Variants in TMEFF1 observed in about 807,000 individuals in gnomAD.
TMEFF1 encodes the protein transmembrane protein with EGF like and two follistatin like domains 1, also known as tomoregulin-1.
In TMEFF1, 20 loss-of-function variants were observed where a neutral mutation model predicts 47.5. That is an observed-to-expected ratio of 0.42 (90% CI 0.30 to 0.61). The LOEUF (loss-of-function observed/expected upper bound fraction) is 0.61. TMEFF1 is among the 20% of genes least tolerant of loss of function. The pLI is 0.19. For missense variants in TMEFF1, 411 were observed against 471.1 expected, an observed-to-expected ratio of 0.87 and a Z score of 1.18; for synonymous variants, 162 against 166.3, an observed-to-expected ratio of 0.97 and a Z score of 0.20.
At chr9:100,539,849 G>A (rs1023689469) in intron 5 of TMEFF1, among the ~76,000 whole-genome samples, 2 of 152,186 alleles carry the variant, frequency 1.3e-5, no homozygotes, top group Admixed American at 1.3e-4. Context: ...ACAGGGGGCT[G>A]ATTGGTCCAT....
chr9:100,504,178 A>C (rs1224903561), intron 2 of TMEFF1, among the ~76,000 whole-genome samples: 3 of 152,218 alleles, frequency 2.0e-5, no homozygotes, highest in African/African-American at 7.2e-5. Context: ...AGCAGACTTT[A>C]GGTTAGACTT....
intron 1 of TMEFF1, among the ~76,000 whole-genome samples, chr9:100,497,283 G>A (rs897598642): frequency 3.9e-5 from 5 of 128,532 alleles, no homozygotes; most frequent in Non-Finnish European, 8.2e-5. Flanking sequence ...CAAAATGCTT[G>A]TGTTAGCTTT....
At chr9:100,572,885 G>T (rs1438728648) in intron 9 of TMEFF1, among the ~76,000 whole-genome samples, 1 of 151,858 alleles carries the variant, frequency 6.6e-6, no homozygotes, top group African/African-American at 2.4e-5. Context: ...AGCAGAGAGG[G>T]AATGAGAATA....
intron 1 of TMEFF1, among the ~76,000 whole-genome samples, chr9:100,486,235 T>A (rs192879469): frequency 3.9e-5 from 6 of 152,210 alleles, no homozygotes; most frequent in African/African-American, 1.4e-4. Context: ...TGCTAAATTA[T>A]TTCATTTTTC....
chr9:100,532,681 G>C (rs1024302001), intron 5 of TMEFF1, among the ~76,000 whole-genome samples: 3 of 151,538 alleles, frequency 2.0e-5, no homozygotes, highest in Non-Finnish European at 4.4e-5. Flanking sequence ...TCAGTGTGGC[G>C]ATTCCTCAGG....
Position 100,473,378 on chromosome 9 carries a change from C to G in TMEFF1, c.-167C>G, listed in dbSNP as rs1022594731. 1.2e-4 allele frequency: 51 copies of G among 421,994 alleles called. No individual in the cohort carries two copies. The highest frequency in any genetic ancestry group is 7.6e-4 in the Admixed American group (15 of 19,750). 26.1% of individuals were successfully genotyped at this position (421,994 alleles called of 1,614,324 possible). A position where few individuals can be genotyped will look rare whatever the true frequency, so the allele number is the denominator to read the frequency against. The stretch of plus-strand genomic sequence containing the variant: ...GACTCCGTCCCGAGCGCCGCGGGCC[C>G]GGGCCTGGCGGACGCTGCGGGTGGG... On this transcript the variant is annotated 5_prime_UTR_variant, in exon 1 of 10. Transcript: ENST00000374879. The surrounding 1 kb of genome is among the most constrained non-coding windows in gnomAD (Gnocchi z 5.4).
intron 5 of TMEFF1, among the ~76,000 whole-genome samples, chr9:100,531,171 G>T (rs372195199): frequency 3.5e-4 from 54 of 152,162 alleles, no homozygotes; most frequent in African/African-American, 7.9e-4. Flanking sequence ...CTTTGAAAAC[G>T]GGCACAAGAC....
At chr9:100,507,642 A>G (rs1191435721) in intron 2 of TMEFF1, among the ~76,000 whole-genome samples, 6 of 152,070 alleles carry the variant, frequency 3.9e-5, no homozygotes, top group Admixed American at 3.9e-4. Flanking sequence ...GGTCACTTGT[A>G]TGTCTTCTTT....
chr9:100,478,718 T>C (rs1453621888), intron 1 of TMEFF1, among the ~76,000 whole-genome samples: 1 of 152,012 alleles, frequency 6.6e-6, no homozygotes, highest in Non-Finnish European at 1.5e-5. Context: ...ACATGACATA[T>C]GTGAAGAAAG....
intron 5 of TMEFF1, among the ~76,000 whole-genome samples, chr9:100,529,845 A>G: frequency 6.6e-6 from 1 of 152,196 alleles, no homozygotes; most frequent in Non-Finnish European, 1.5e-5. Context: ...AGTTGGAAGT[A>G]AAGCTCTCCT....
At chr9:100,534,523 C>T (rs73655586) in intron 5 of TMEFF1, among the ~76,000 whole-genome samples, 1 of 152,166 alleles carries the variant, frequency 6.6e-6, no homozygotes, top group Non-Finnish European at 1.5e-5. Flanking sequence ...GCTTGGCAGT[C>T]TGCAAACAGC....
At chr9:100,480,432 AGTT>A (rs1837319422) in intron 1 of TMEFF1, among the ~76,000 whole-genome samples, 1 of 152,248 alleles carries the variant, frequency 6.6e-6, no homozygotes, top group African/African-American at 2.4e-5. Flanking sequence ...GAATACAAAA[AGTT>A]GTTTTTATGA....
chr9:100,548,019 T>A (rs1479610575), intron 6 of TMEFF1, 127 bp downstream of exon 6: 2 of 1,119,728 alleles, frequency 1.8e-6, no homozygotes, highest in East Asian at 6.7e-5. Context: ...TTTTTATTAC[T>A]TTATATTTCA....
intron 8 of TMEFF1, among the ~76,000 whole-genome samples, chr9:100,567,474 C>T (rs896138798): frequency 6.6e-6 from 1 of 152,160 alleles, no homozygotes; most frequent in African/African-American, 2.4e-5. Flanking sequence ...CCATTTAATT[C>T]ACTTACTTTG....
chr9:100,538,185 T>C (rs1017328956), intron 5 of TMEFF1, among the ~76,000 whole-genome samples: 8 of 152,264 alleles, frequency 5.3e-5, no homozygotes, highest in African/African-American at 1.9e-4. Context: ...CCCGAGTAGC[T>C]GGGACTACAG....
chr9:100,559,191 T>C (rs963355545), intron 7 of TMEFF1, among the ~76,000 whole-genome samples: 3 of 152,174 alleles, frequency 2.0e-5, no homozygotes, highest in African/African-American at 7.2e-5. Flanking sequence ...CAGGCAGTAT[T>C]GTGAGTGTTA....
chr9:100,484,399 C>T (rs1360006758), intron 1 of TMEFF1, among the ~76,000 whole-genome samples: 1 of 151,636 alleles, frequency 6.6e-6, no homozygotes, highest in Non-Finnish European at 1.5e-5. Context: ...CTCACCGCAA[C>T]CTCTGCCTCC....
intron 8 of TMEFF1, among the ~76,000 whole-genome samples, chr9:100,570,563 C>A (rs914242263): frequency 6.6e-6 from 1 of 151,952 alleles, no homozygotes; most frequent in African/African-American, 2.4e-5. Flanking sequence ...ATCTTAGCAC[C>A]CTTGTCAAAA....
chr9:100,563,113 G>A (rs1839053513), intron 8 of TMEFF1, among the ~76,000 whole-genome samples: 1 of 152,172 alleles, frequency 6.6e-6, no homozygotes, highest in South Asian at 2.1e-4. Context: ...ACCATGCCCA[G>A]CCTAATTTTT....
Sources: allele counts gnomAD v4.1 joint callset (sites outside exome capture counted in the v4.1 genomes callset), GRCh38; gene constraint gnomAD v4.1.1; non-coding constraint Gnocchi (gnomAD v3.1); transcripts MANE v1.5; gene names NCBI Gene and HGNC (gene_info 2026-07-23, HGNC 2026-07-21).